Variants in ENAH observed in about 807,000 individuals in gnomAD.
The protein encoded by ENAH is ENAH actin regulator.
In ENAH, 23 loss-of-function variants were observed where a neutral mutation model predicts 78.7. The ratio of observed to expected loss-of-function variants is 0.29; its 90% CI spans 0.21 to 0.41. The LOEUF is 0.41. Among genes scored for constraint, ENAH ranks in the 10% least tolerant of loss-of-function variants. The pLI is 1.00. For missense variants in ENAH, 544 were observed against 691.0 expected, an observed-to-expected ratio of 0.79 and a Z score of 2.39; for synonymous variants, 226 against 241.0, an observed-to-expected ratio of 0.94 and a Z score of 0.58.
intron 1 of ENAH, among the ~76,000 whole-genome samples, chr1:225,576,475 T>C (rs1178344105): frequency 6.6e-6 from 1 of 152,144 alleles, no homozygotes; most frequent in Non-Finnish European, 1.5e-5. Flanking sequence ...CATACAAGTC[T>C]AACAGAATTC....
chr1:225,490,184 G>A lies in ENAH; in HGVS notation c.*7591C>T, dbSNP rs1397269942. The A allele has an allele frequency of 6.6e-6, 1 of 152,228 alleles. No homozygotes were observed. The highest frequency in any genetic ancestry group is 2.4e-5 in the African/African-American group (1 of 41,434). 9.4% of individuals were successfully genotyped at this position (152,228 alleles called of 1,614,324 possible). ...AAAAGGACAGACTGAGAGAGACTGAGGGCGGGAGGAACACAGAGAAAGGGA... is the reference window on the plus strand; with the variant it reads ...AAAAGGACAGACTGAGAGAGACTGAAGGCGGGAGGAACACAGAGAAAGGGA... On this transcript the variant is annotated 3_prime_UTR_variant, in exon 14 of 14. Transcript: ENST00000366843.
rs1575894467 is a variant in ENAH at position 225,652,661 on chromosome 1, G to T, written c.5+25C>A. On this transcript the variant is annotated intron_variant, in intron 1 of 13. Coordinates refer to ENST00000366843, the MANE Select transcript of ENAH (RefSeq NM_018212.6). ...GCTCCCGCGGCACAATGGCCCGCCC[G>T]GCCCCCGCCCCGCGCGCCCCTCACC... The T allele has an allele frequency of 3.9e-6, 5 of 1,269,132 alleles. No individual in the cohort carries two copies. In the African/African-American group the frequency reaches 6.2e-5, roughly 16 times the overall value. 78.6% of individuals were successfully genotyped at this position (1,269,132 alleles called of 1,614,324 possible).
chr1:225,581,446 G>C (rs183814468), intron 1 of ENAH: 152 of 182,232 alleles, frequency 8.3e-4, no homozygotes, highest in Admixed American at 2.4e-3. Context: ...GGAGTGGAGG[G>C]TGGAGGGTGA....
chr1:225,634,219 T>A (rs1659636097), intron 1 of ENAH, among the ~76,000 whole-genome samples: 1 of 152,216 alleles, frequency 6.6e-6, no homozygotes. Context: ...AACAGATATG[T>A]GCATTTTGTA....
At chr1:225,538,676 T>A (rs1020659540) in intron 3 of ENAH, among the ~76,000 whole-genome samples, 3 of 151,956 alleles carry the variant, frequency 2.0e-5, no homozygotes, top group African/African-American at 7.2e-5. Context: ...TTTTATTCCC[T>A]TCTAAGCCAA....
upstream of ENAH, among the ~76,000 whole-genome samples, chr1:225,653,458 G>C (rs1428442390): frequency 6.6e-6 from 1 of 150,446 alleles, no homozygotes; most frequent in African/African-American, 2.4e-5. The surrounding 1 kb of genome is among the most constrained non-coding windows in gnomAD (Gnocchi z 4.3). Flanking sequence ...GTCGGCCGGG[G>C]TTCCTCGCCC....
intron 1 of ENAH, among the ~76,000 whole-genome samples, chr1:225,649,217 T>C (rs1264730065): frequency 1.3e-5 from 2 of 152,294 alleles, no homozygotes; most frequent in African/African-American, 2.4e-5. Flanking sequence ...AGCTAGTAAA[T>C]GGCTTGGACA....
chr1:225,598,929 G>A (rs1316483008), intron 1 of ENAH, among the ~76,000 whole-genome samples: 1 of 151,968 alleles, frequency 6.6e-6, no homozygotes, highest in Non-Finnish European at 1.5e-5. Flanking sequence ...TCACTCTACA[G>A]TCCACTGAGT....
chr1:225,606,948 G>A (rs1021265827), intron 1 of ENAH, among the ~76,000 whole-genome samples: 1 of 151,626 alleles, frequency 6.6e-6, no homozygotes, highest in Non-Finnish European at 1.5e-5. Flanking sequence ...TACAGCCCAA[G>A]GTCCTGAATA....
intron 3 of ENAH, among the ~76,000 whole-genome samples, chr1:225,537,408 T>C (rs1434881087): frequency 2.0e-5 from 3 of 152,196 alleles, no homozygotes; most frequent in African/African-American, 7.2e-5. Flanking sequence ...CATACTATCA[T>C]GTAAAATATT....
chr1:225,625,314 AC>A (rs1349299807), intron 1 of ENAH, among the ~76,000 whole-genome samples: 20 of 152,322 alleles, frequency 1.3e-4, no homozygotes, highest in African/African-American at 4.8e-4. Flanking sequence ...TATTTAGCAG[AC>A]AAAAATAATT....
chr1:225,539,677 C>T (rs571286164), intron 3 of ENAH, among the ~76,000 whole-genome samples: 1 of 152,280 alleles, frequency 6.6e-6, no homozygotes, highest in South Asian at 2.1e-4. Flanking sequence ...GATGTGATTG[C>T]CACGTATCTC....
chr1:225,502,417 A>G (rs1421526359), intron 11 of ENAH, among the ~76,000 whole-genome samples: 2 of 152,140 alleles, frequency 1.3e-5, no homozygotes, highest in Admixed American at 6.5e-5. Flanking sequence ...TCACCATGTT[A>G]GCCAGGCTGG....
At chr1:225,622,414 C>T (rs1385459986) in intron 1 of ENAH, among the ~76,000 whole-genome samples, 1 of 152,000 alleles carries the variant, frequency 6.6e-6, no homozygotes, top group Non-Finnish European at 1.5e-5. Context: ...ATGGCAAGAC[C>T]CCATCTCTAT....
chr1:225,606,800 A>T (rs1264555671), intron 1 of ENAH, among the ~76,000 whole-genome samples: 1 of 138,786 alleles, frequency 7.2e-6, no homozygotes, highest in Non-Finnish European at 1.5e-5. Context: ...CCAACATAAC[A>T]CCACTACACT....
intron 4 of ENAH, among the ~76,000 whole-genome samples, chr1:225,524,396 G>A (rs1353594709): frequency 6.6e-6 from 1 of 152,146 alleles, no homozygotes; most frequent in Non-Finnish European, 1.5e-5. Flanking sequence ...GAACAGTCTA[G>A]GAAAAATGTT....
chr1:225,536,409 A>C (rs1397356018), intron 3 of ENAH, among the ~76,000 whole-genome samples: 1 of 151,976 alleles, frequency 6.6e-6, no homozygotes, highest in African/African-American at 2.4e-5. Flanking sequence ...TTTTACTATT[A>C]CTTTAGTGAC....
intron 1 of ENAH, among the ~76,000 whole-genome samples, chr1:225,649,761 T>C (rs905066314): frequency 2.0e-5 from 3 of 152,248 alleles, no homozygotes; most frequent in Non-Finnish European, 4.4e-5. Context: ...AGTTCTCTTC[T>C]GTATAAGATT....
chr1:225,627,516 G>A (rs997276740), intron 1 of ENAH, among the ~76,000 whole-genome samples: 5 of 152,324 alleles, frequency 3.3e-5, no homozygotes, highest in East Asian at 3.9e-4. Context: ...GTGGCTCGAG[G>A]CCAGAATGGT....
Sources: gnomAD v4.1 joint callset for allele counts (sites outside exome capture counted in the v4.1 genomes callset) on GRCh38, gnomAD v4.1.1 for gene constraint, Gnocchi (gnomAD v3.1) non-coding constraint, MANE v1.5 for transcripts, NCBI Gene and HGNC (gene_info 2026-07-23, HGNC 2026-07-21) for gene names.